The following BLOC1S3 variants were observed in gnomAD, a reference collection of about 807,000 sequenced individuals.
The protein encoded by BLOC1S3 is biogenesis of lysosome-related organelles complex 1 subunit 3.
A neutral mutation model predicts 9.1 loss-of-function variants in BLOC1S3; 7 were observed. That is an observed-to-expected ratio of 0.77 (90% CI 0.44 to 1.45). BLOC1S3 has a LOEUF of 1.45. Ranked by LOEUF, BLOC1S3 falls within the 40% of genes most tolerant of loss-of-function variation. The pLI is 0.01. For missense variants in BLOC1S3, 307 were observed against 315.2 expected (o/e 0.97, Z 0.20); for synonymous variants, 145 against 158.4 (o/e 0.92, Z 0.64).
chr19:45,183,400 C>T (rs1354782617), downstream of BLOC1S3, among the ~76,000 whole-genome samples: 4 of 150,900 alleles, frequency 2.7e-5, no homozygotes, highest in South Asian at 2.1e-4. Flanking sequence ...CGCTTGAACC[C>T]GGGAGGCAGC....
At chr19:45,195,653 G>A (rs957819693) in intron 2 of BLOC1S3, among the ~76,000 whole-genome samples, 2 of 142,068 alleles carry the variant, frequency 1.4e-5, no homozygotes, top group African/African-American at 5.2e-5. Context: ...GGAGTGCAAT[G>A]GCATGACCTC....
intron 3 of BLOC1S3, chr19:45,212,974 G>T: frequency 7.6e-7 from 1 of 1,316,790 alleles, no homozygotes; most frequent in Non-Finnish European, 9.9e-7. Context: ...CCAGGGGTGT[G>T]TGGTCCCAGG....
At chr19:45,205,893 T>G (rs1969722415) in intron 3 of BLOC1S3, among the ~76,000 whole-genome samples, 1 of 152,184 alleles carries the variant, frequency 6.6e-6, no homozygotes, top group African/African-American at 2.4e-5. Flanking sequence ...CACAAAAAGC[T>G]GCTCAACATC....
In BLOC1S3 at chr19:45,202,210, T is replaced by TAAA. The variant is rs59295257; in HGVS notation, n.181-171_181-169dup. Among the ~76,000 whole-genome samples the TAAA allele has an allele frequency of 7.5e-4, 41 of 54,930 alleles. 1 individual carries two copies. The highest frequency in any genetic ancestry group is 1.9e-3 in the African/African-American group (37 of 19,210). The allele number at this position is 54,930 out of a possible 152,430, so 36.0% of individuals were successfully genotyped here. A position where few individuals can be genotyped will look rare whatever the true frequency, so the allele number is the denominator to read the frequency against. On this transcript the variant is annotated intron_variant and non_coding_transcript_variant, in intron 2 of 3. Coordinates refer to the BLOC1S3 transcript ENST00000591569. The stretch of plus-strand genomic sequence containing the variant: ...CTGGGTGACAGAGTGAGACTCCATC[T>TAAA]AAAAAAAAAAAAAAAAAAAAAAAAA...
chr19:45,188,549 AATTATTATT>A (rs61583899), intron 2 of BLOC1S3, among the ~76,000 whole-genome samples: 1,889 of 143,322 alleles, frequency 0.013, 29 homozygotes, highest in South Asian at 0.054. Flanking sequence ...CATTCTTTCT[AATTATTATT>A]ATTATTATTA....
At chr19:45,183,623 C>CTTTTTTTTTTTTTTTTTTTTTTTTT (rs57651816), downstream of BLOC1S3, among the ~76,000 whole-genome samples, 3 of 105,082 alleles carry the variant, frequency 2.9e-5, no homozygotes, top group South Asian at 3.2e-4. Context: ...CTTTTCTTTT[C>CTTTTTTTTTTTTTTTTTTTTTTTTT]TTTTTTTTTT....
At chr19:45,216,327 G>GTGCTGGGATTA in intron 3 of BLOC1S3, 2 of 1,301,482 alleles carry the variant, frequency 1.5e-6, no homozygotes, top group South Asian at 1.5e-5. Context: ...TGTAATCCCA[G>GTGCTGGGATTA]CACTTTGGGA....
At position 45,181,062 on chromosome 19, in the gene BLOC1S3, G is replaced by C. The variant is rs1159462368; in HGVS notation, c.*1157G>C. On this transcript the variant is annotated 3_prime_UTR_variant, in exon 2 of 2. Transcript: ENST00000433642. ...TGTTCTGCTGCCCAAGCTTGGCCCT[G>C]GTTCCGTGTGCTGGTTCTACTTTTT... 6.0e-6 allele frequency: 1 copy of C among 167,556 alleles called. No homozygotes were observed. Among genetic ancestry groups the C allele is most frequent in the Non-Finnish European group, 1.5e-5 (1 of 68,436 alleles). The allele number at this position is 167,556 out of a possible 1,614,324, so 10.4% of individuals were successfully genotyped here.
intron 3 of BLOC1S3, among the ~76,000 whole-genome samples, chr19:45,207,537 C>G (rs956250278): frequency 1.7e-5 from 2 of 120,302 alleles, no homozygotes; most frequent in African/African-American, 3.3e-5. Context: ...GTGTGGGTGA[C>G]AGAGCGAGAC....
At chr19:45,182,330 G>A (rs1242379004), downstream of BLOC1S3, among the ~76,000 whole-genome samples, 2 of 151,942 alleles carry the variant, frequency 1.3e-5, no homozygotes, top group South Asian at 2.1e-4. Context: ...ACCCAAGATC[G>A]TGCCACTGCA....
chr19:45,198,364 T>C (rs1412171921), intron 2 of BLOC1S3, among the ~76,000 whole-genome samples: 1 of 152,200 alleles, frequency 6.6e-6, no homozygotes. Flanking sequence ...CGAGCTCGGC[T>C]CACTGCAACC....
downstream of BLOC1S3, among the ~76,000 whole-genome samples, chr19:45,183,823 GAT>G (rs911916056): frequency 1.3e-5 from 2 of 151,628 alleles, no homozygotes; most frequent in African/African-American, 4.8e-5. Context: ...TTTTAGTAGA[GAT>G]GAGGTTTCAC....
At chr19:45,207,196 G>A (rs1050188086) in intron 3 of BLOC1S3, among the ~76,000 whole-genome samples, 7 of 151,502 alleles carry the variant, frequency 4.6e-5, no homozygotes, top group East Asian at 1.9e-4. Flanking sequence ...GCAGTGGCAC[G>A]ATATCGGCTT....
rs1199381894 is a variant in BLOC1S3 at position 45,180,729 on chromosome 19, C to T, written c.*824C>T. 1.2e-5 allele frequency: 2 copies of T among 166,996 alleles called. No homozygotes were observed. The highest frequency in any genetic ancestry group is 1.3e-4 in the Admixed American group (2 of 15,248). 10.3% of individuals were successfully genotyped at this position (166,996 alleles called of 1,614,324 possible). ...GAACTGCCTTCACCCTAGGCTGGGT[C>T]CTTGTTTTGTTTTTAGAGACAGGGT... On this transcript the variant is annotated 3_prime_UTR_variant, in exon 2 of 2. Transcript: ENST00000433642.
intron 2 of BLOC1S3, among the ~76,000 whole-genome samples, chr19:45,195,546 C>T (rs76719423): frequency 0.053 from 7,805 of 148,510 alleles, 691 homozygotes; most frequent in African/African-American, 0.18. Flanking sequence ...CTACTGTTCT[C>T]CTCCCTCCCT....
At chr19:45,182,675 A>T (rs539355922), downstream of BLOC1S3, among the ~76,000 whole-genome samples, 1 of 152,238 alleles carries the variant, frequency 6.6e-6, no homozygotes, top group African/African-American at 2.4e-5. Flanking sequence ...AATAAATAAA[A>T]AATAATTAAT....
chr19:45,179,538 C>T lies in BLOC1S3; in HGVS notation c.242C>T (p.Pro81Leu), dbSNP rs760932493. The change falls in exon 2 of 2, where the codon CCT becomes CTT. Residue 81 changes from proline (P) to leucine (L), a missense_variant. Pro to Leu is a moderately conservative substitution (Grantham distance 98). Coordinates refer to ENST00000433642, the MANE Select transcript of BLOC1S3 (RefSeq NM_212550.5). This position sits in a 1 kb window ranked among gnomAD's most constrained non-coding sequence, Gnocchi z 4.6. ...CCGACGGCCGCGCCGAGGGACCTGC[C>T]TCCACTCGTGGTGCAGCGGGAATCG... ...PEPTAAPRDL[P>L]PLVVQRESAE... 3.3e-6 allele frequency: 5 copies of T among 1,522,854 alleles called. No individual in the cohort carries two copies. The South Asian group carries it at 6.0e-5, about 18-fold the overall frequency. 94.3% of individuals were successfully genotyped at this position (1,522,854 alleles called of 1,614,324 possible).
intron 3 of BLOC1S3, among the ~76,000 whole-genome samples, chr19:45,210,845 GCAGTGGCAGTGGCT>G (rs1969764534): frequency 6.6e-6 from 1 of 152,214 alleles, no homozygotes; most frequent in African/African-American, 2.4e-5. Context: ...CGCCTACAGG[GCAGTGGCAGTGGCT>G]CACGCCTGTA....
chr19:45,187,811 C>A (rs1969576653), intron 2 of BLOC1S3: 1 of 152,132 alleles, frequency 6.6e-6, no homozygotes, highest in Non-Finnish European at 1.5e-5. Flanking sequence ...GACCCTAATA[C>A]AAAATGGCCT....
Sources: gnomAD v4.1 joint callset for allele counts (sites outside exome capture counted in the v4.1 genomes callset) on GRCh38, gnomAD v4.1.1 for gene constraint, Gnocchi (gnomAD v3.1) non-coding constraint, MANE v1.5 for transcripts, NCBI Gene and HGNC (gene_info 2026-07-23, HGNC 2026-07-21) for gene names.